PLEKHG5: variants seen among roughly 807,000 people sequenced by gnomAD.
PLEKHG5 encodes the protein pleckstrin homology domain-containing family G member 5.
Under a neutral mutation model 103.8 loss-of-function variants are expected in PLEKHG5, and 52 were observed. That is an observed-to-expected ratio of 0.50 (90% CI 0.40 to 0.63). The LOEUF is 0.63. Ranked by LOEUF, PLEKHG5 falls within the 30% of genes least tolerant of loss-of-function variation. The pLI is 0.00. For synonymous variants in PLEKHG5, 592 were observed against 575.5 expected (o/e 1.03, Z -0.41); for missense variants, 1,205 against 1,347.6 (o/e 0.89, Z 1.66).
intron 1 of PLEKHG5, among the ~76,000 whole-genome samples, chr1:6,506,839 G>C (rs762510207): frequency 6.6e-6 from 1 of 152,144 alleles, no homozygotes; most frequent in Non-Finnish European, 1.5e-5. Flanking sequence ...GCTCCCTTTC[G>C]GGGCTGGCCA....
chr1:6,480,596 A>G (rs951255836), intron 1 of PLEKHG5, among the ~76,000 whole-genome samples: 1 of 151,256 alleles, frequency 6.6e-6, no homozygotes, highest in African/African-American at 2.4e-5. Context: ...GCATACATAG[A>G]TGATTTTAAC....
intron 10 of PLEKHG5, among the ~76,000 whole-genome samples, chr1:6,472,249 C>A (rs1423057885): frequency 6.6e-6 from 1 of 152,262 alleles, no homozygotes; most frequent in Non-Finnish European, 1.5e-5. Context: ...CTGCTGGGCA[C>A]CCAGCACACA....
chr1:6,493,165 G>T (rs540819182), upstream of PLEKHG5, among the ~76,000 whole-genome samples: 9 of 152,340 alleles, frequency 5.9e-5, no homozygotes, highest in African/African-American at 2.2e-4. Context: ...GGGCCCAGAA[G>T]CCGAAGGGTC....
At chr1:6,508,874 G>A (rs1488335334) in intron 1 of PLEKHG5, among the ~76,000 whole-genome samples, 1 of 152,234 alleles carries the variant, frequency 6.6e-6, no homozygotes, top group Non-Finnish European at 1.5e-5. Flanking sequence ...AACTTGCCCA[G>A]GGCCACACAG....
At chr1:6,494,801 C>T (rs1040690351), upstream of PLEKHG5, among the ~76,000 whole-genome samples, 5 of 152,206 alleles carry the variant, frequency 3.3e-5, no homozygotes, top group Admixed American at 3.3e-4. Flanking sequence ...GAGTCTGTGC[C>T]ATTTGTCCCA....
Position 6,469,122 on chromosome 1 carries a change from TTCCTCCTCCTCCTCCTCCTCC to T in PLEKHG5, c.2148_2168del (p.Glu717_Glu723del). ...CAGCTGAAGTGCCACTGTCCTCGCC[TTCCTCCTCCTCCTCCTCCTCC>T]TCCTCTTCCTCCTCCTGCTCATCCT... On this transcript the variant is annotated inframe_deletion, in exon 19 of 21. Transcript: ENST00000377728. 1.3e-6 allele frequency: 2 copies of T among 1,590,452 alleles called. No homozygotes were observed. Among genetic ancestry groups the T allele is most frequent in the Non-Finnish European group, 8.6e-7 (1 of 1,167,148 alleles).
chr1:6,497,380 C>T, upstream of PLEKHG5: 19 of 1,090,320 alleles, frequency 1.7e-5, no homozygotes, highest in Non-Finnish European at 2.0e-5. This position sits in a 1 kb window ranked among gnomAD's most constrained non-coding sequence, Gnocchi z 6.1. Flanking sequence ...CCGGGGACGC[C>T]GGGGACTGGG....
chr1:6,472,008 C>T (rs1644606932), intron 10 of PLEKHG5, among the ~76,000 whole-genome samples, 200 bp from the exon 11 acceptor site: 1 of 152,226 alleles, frequency 6.6e-6, no homozygotes, highest in Non-Finnish European at 1.5e-5. Context: ...GTCCTCATAG[C>T]CCTCCCGAGG....
chr1:6,496,879 G>T, upstream of PLEKHG5: 1 of 1,242,586 alleles, frequency 8.0e-7, no homozygotes, highest in Middle Eastern at 2.0e-4. Flanking sequence ...GACCTTTTGG[G>T]GCCCCAGACT....
intron 13 of PLEKHG5, 39 bp downstream of exon 13, chr1:6,470,951 G>A (rs1392855782): frequency 8.2e-6 from 11 of 1,336,546 alleles, no homozygotes; most frequent in Non-Finnish European, 1.1e-5. Context: ...CCAGGGTCCC[G>A]TCCTCCTGCG....
At position 6,516,922 on chromosome 1, in the gene PLEKHG5, A is replaced by ACACCCACC. The variant is rs1553180762; in HGVS notation, c.-165+2522_-165+2523insGGTGGGTG. Among the ~76,000 whole-genome samples the ACACCCACC allele has an allele frequency of 1.3e-3, 189 of 140,892 alleles. 1 individual carries two copies. Among genetic ancestry groups the ACACCCACC allele is most frequent in the African/African-American group, 4.8e-3 (178 of 37,416 alleles). 92.4% of individuals were successfully genotyped at this position (140,892 alleles called of 152,430 possible). Reference sequence around the variant, plus strand: ...TATATATATACACACACACACACACACACATGTACACTTTTGTTCTGCTTA... The same window carrying ACACCCACC: ...TATATATATACACACACACACACACACACCCACCCACATGTACACTTTTGTTCTGCTTA... On this transcript the variant is annotated intron_variant, in intron 1 of 21. Coordinates refer to the PLEKHG5 transcript ENST00000377740.
At chr1:6,514,888 T>A (rs1353961215) in intron 1 of PLEKHG5, among the ~76,000 whole-genome samples, 1 of 150,682 alleles carries the variant, frequency 6.6e-6, no homozygotes, top group African/African-American at 2.4e-5. Context: ...GCCAACATAG[T>A]GAAACCCCAA....
chr1:6,496,861 C>T (rs930105623), upstream of PLEKHG5: 28 of 777,420 alleles, frequency 3.6e-5, no homozygotes, highest in Non-Finnish European at 5.2e-5. Flanking sequence ...AGTGGGGGAG[C>T]GCTCAGTGAC....
chr1:6,509,970 C>G (rs1638430859), intron 1 of PLEKHG5, among the ~76,000 whole-genome samples: 1 of 152,156 alleles, frequency 6.6e-6, no homozygotes, highest in Non-Finnish European at 1.5e-5. Flanking sequence ...TCTTGTGGAC[C>G]CCAGGGCCCC....
intron 5 of PLEKHG5, chr1:6,474,842 T>C: frequency 1.5e-6 from 1 of 672,632 alleles, no homozygotes; most frequent in Admixed American, 2.1e-5. Flanking sequence ...CCTGCATACA[T>C]GATTAAAATG....
At chr1:6,474,188 T>G in intron 6 of PLEKHG5, 24 bp from the exon 7 acceptor site, 2 of 1,612,674 alleles carry the variant, frequency 1.2e-6, no homozygotes, top group South Asian at 2.2e-5. Context: ...CCACGAGAGA[T>G]CCTCAGTACC....
upstream of PLEKHG5, chr1:6,497,375 G>T: frequency 3.7e-6 from 4 of 1,093,452 alleles, no homozygotes; most frequent in Non-Finnish European, 2.2e-6. This position sits in a 1 kb window ranked among gnomAD's most constrained non-coding sequence, Gnocchi z 6.1. Context: ...GGGCGCCGGG[G>T]ACGCCGGGGA....
At chr1:6,477,798 C>T (rs144945365) in intron 1 of PLEKHG5, 140 bp from the exon 2 acceptor site, 2 of 772,604 alleles carry the variant, frequency 2.6e-6, no homozygotes, top group Admixed American at 2.3e-5. Context: ...AGCAGTCCCC[C>T]CTCTCCCACA....
At position 6,467,579 on chromosome 1, in the gene PLEKHG5, G is replaced by C. The variant is rs1197051343; in HGVS notation, c.3012-7C>G. 2 of 1,612,416 alleles carry C rather than the reference G, an allele frequency of 1.2e-6. No homozygotes were observed. Among genetic ancestry groups the C allele is most frequent in the South Asian group, 1.1e-5 (1 of 91,044 alleles). The stretch of plus-strand genomic sequence containing the variant: ...TCCCTCTGCTCAGACCTCCCTACAG[G>C]GTGGGGAGGGGACAGAGTCCTTCTT... On this transcript the variant is annotated splice_polypyrimidine_tract_variant and splice_region_variant and intron_variant, in intron 20 of 20. Coordinates refer to ENST00000377728, the MANE Select transcript of PLEKHG5 (RefSeq NM_020631.6).
Sources: allele counts gnomAD v4.1 joint callset (sites outside exome capture counted in the v4.1 genomes callset), GRCh38; gene constraint gnomAD v4.1.1; non-coding constraint Gnocchi (gnomAD v3.1); transcripts MANE v1.5; gene names NCBI Gene and HGNC (gene_info 2026-07-23, HGNC 2026-07-21).